The following ARHGAP40 variants were observed in gnomAD, a reference collection of about 807,000 sequenced individuals.
ARHGAP40 encodes the protein Rho GTPase activating protein 40.
ARHGAP40 carries 43 observed loss-of-function variants against 73.5 expected under a neutral mutation model. That is an observed-to-expected ratio of 0.58 (90% confidence interval 0.46 to 0.75). The LOEUF (loss-of-function observed/expected upper bound fraction) is 0.75, where lower values mean the gene tolerates loss of function less well. ARHGAP40 is among the 30% of genes least tolerant of loss of function. ARHGAP40 has a pLI of 0.00. For missense variants in ARHGAP40, 734 were observed against 861.8 expected (o/e 0.85, Z 1.86); for synonymous variants, 300 against 352.8 (o/e 0.85, Z 1.68).
exon 15 of ARHGAP40, chr20:38,649,794 T>C (rs1305464990): frequency 3.1e-6 from 4 of 1,305,050 alleles, no homozygotes; most frequent in Non-Finnish European, 4.0e-6. Flanking sequence ...ACCTCTTAGA[T>C]CTGTACCGTG....
At chr20:38,605,348 C>G (rs1180281916) in intron 1 of ARHGAP40, among the ~76,000 whole-genome samples, 1 of 152,230 alleles carries the variant, frequency 6.6e-6, no homozygotes, top group African/African-American at 2.4e-5. Context: ...AGACATAACA[C>G]TGGTCACTAC....
At chr20:38,614,307 T>TA (rs2088821597) in intron 1 of ARHGAP40, among the ~76,000 whole-genome samples, 1 of 152,234 alleles carries the variant, frequency 6.6e-6, no homozygotes, top group Non-Finnish European at 1.5e-5. Flanking sequence ...CACGATTCCC[T>TA]GGCGTACCCA....
At chr20:38,638,907 G>A in intron 8 of ARHGAP40, 69 bp downstream of exon 8, 1 of 1,252,376 alleles carries the variant, frequency 8.0e-7, no homozygotes, top group South Asian at 1.3e-5. Context: ...GTTAAGCCGG[G>A]AGGGAAACCA....
chr20:38,640,091 C>G (rs377745902), intron 9 of ARHGAP40, among the ~76,000 whole-genome samples: 5,584 of 92,510 alleles, frequency 0.06, 98 homozygotes, highest in African/African-American at 0.079. Context: ...TGTTGTTGTT[C>G]TTCTTCTTCT....
chr20:38,641,262 T>A (rs1201156074), intron 9 of ARHGAP40, among the ~76,000 whole-genome samples: 2 of 152,114 alleles, frequency 1.3e-5, no homozygotes, highest in East Asian at 3.9e-4. Flanking sequence ...CTATAACTAC[T>A]ACCTCCTCCT....
intron 1 of ARHGAP40, among the ~76,000 whole-genome samples, chr20:38,605,570 G>T (rs542838114): frequency 1.3e-5 from 2 of 152,286 alleles, no homozygotes; most frequent in African/African-American, 4.8e-5. Context: ...CCTTATCCTT[G>T]CTCCCTGTAG....
chr20:38,648,869 G>A (rs2089070969), intron 14 of ARHGAP40, among the ~76,000 whole-genome samples, 171 bp downstream of exon 14: 1 of 152,202 alleles, frequency 6.6e-6, no homozygotes, highest in Non-Finnish European at 1.5e-5. Context: ...AAGGTTAAAG[G>A]TTAGCCTGTG....
At chr20:38,620,370 C>T (rs896203638) in intron 1 of ARHGAP40, among the ~76,000 whole-genome samples, 3 of 152,296 alleles carry the variant, frequency 2.0e-5, no homozygotes, top group Non-Finnish European at 1.5e-5. Context: ...TTTAGCACTG[C>T]GGGTGTTTCA....
intron 1 of ARHGAP40, among the ~76,000 whole-genome samples, chr20:38,612,324 A>G (rs943149339): frequency 1.3e-4 from 20 of 152,238 alleles, no homozygotes; most frequent in Admixed American, 9.8e-4. Context: ...AAACATATTT[A>G]GGCCTTTTCC....
At chr20:38,631,452 A>C (rs1365730353) in intron 5 of ARHGAP40, among the ~76,000 whole-genome samples, 1 of 152,172 alleles carries the variant, frequency 6.6e-6, no homozygotes, top group Non-Finnish European at 1.5e-5. Context: ...GGCACGTCTC[A>C]TGTGGCAGCA....
intron 8 of ARHGAP40, 127 bp downstream of exon 8, chr20:38,638,965 G>A: frequency 3.2e-6 from 3 of 946,406 alleles, no homozygotes; most frequent in Non-Finnish European, 4.4e-6. Flanking sequence ...GTGGGTCGAG[G>A]GTTTGAGAGG....
At chr20:38,623,183 C>T (rs75711876) in intron 1 of ARHGAP40, among the ~76,000 whole-genome samples, 176 bp from the exon 2 acceptor site, 1 of 152,144 alleles carries the variant, frequency 6.6e-6, no homozygotes, top group African/African-American at 2.4e-5. Flanking sequence ...CCAAGGATCC[C>T]GCAGGGGTGA....
At position 38,614,997 on chromosome 20, in the gene ARHGAP40, G is replaced by C. The variant is rs532183679; in HGVS notation, c.138-8362G>C. The stretch of plus-strand genomic sequence containing the variant: ...GTGGTTGAGCGCTTGTGTGAGGAAA[G>C]TCCCGCTGGGGTTGATCTCCATCAA... On this transcript the variant is annotated intron_variant, in intron 1 of 14. Transcript: ENST00000373345. The C allele has an allele frequency of 4.0e-5, 48 of 1,200,344 alleles. No individual in the cohort carries two copies. The African/African-American group carries it at 5.8e-4, about 15-fold the overall frequency. The allele number at this position is 1,200,344 out of a possible 1,614,324, so 74.4% of individuals were successfully genotyped here. A position where few individuals can be genotyped will look rare whatever the true frequency, so the allele number is the denominator to read the frequency against.
intron 2 of ARHGAP40, among the ~76,000 whole-genome samples, chr20:38,625,879 C>A (rs2088896348): frequency 6.6e-6 from 1 of 151,958 alleles, no homozygotes; most frequent in Admixed American, 6.5e-5. Context: ...AAAATGTAGC[C>A]CATGATTAAG....
At chr20:38,644,341 C>G (rs2145614993) in intron 11 of ARHGAP40, among the ~76,000 whole-genome samples, 1 of 152,164 alleles carries the variant, frequency 6.6e-6, no homozygotes, top group South Asian at 2.1e-4. Flanking sequence ...CAAGTGACAG[C>G]AAGGGGAGGA....
chr20:38,627,683 T>TTG (rs754473034), intron 3 of ARHGAP40, among the ~76,000 whole-genome samples: 1 of 104,960 alleles, frequency 9.5e-6, no homozygotes, highest in East Asian at 2.4e-4. Flanking sequence ...GGTGTGTGTG[T>TTG]TGTGTGTGTG....
chr20:38,642,281 G>T (rs1255205453), intron 10 of ARHGAP40, among the ~76,000 whole-genome samples: 2 of 152,176 alleles, frequency 1.3e-5, no homozygotes, highest in African/African-American at 4.8e-5. Flanking sequence ...TTGGGAAACA[G>T]ACCCTTAGCA....
chr20:38,604,686 G>A (rs2088760751), intron 1 of ARHGAP40, among the ~76,000 whole-genome samples: 2 of 151,950 alleles, frequency 1.3e-5, no homozygotes, highest in Admixed American at 6.6e-5. Flanking sequence ...GAGCCAATGC[G>A]CCTGGCCCAG....
In ARHGAP40 at chr20:38,612,769, C is replaced by T. The variant is rs188796174; in HGVS notation, c.138-10590C>T. Among the ~76,000 whole-genome samples, 3 of 152,226 alleles carry T rather than the reference C, an allele frequency of 2.0e-5. No individual in the cohort carries two copies. In the East Asian group the frequency reaches 5.8e-4, roughly 29 times the overall value. On this transcript the variant is annotated intron_variant, in intron 1 of 14. Coordinates refer to ENST00000373345, the Ensembl canonical transcript of ARHGAP40. ...AAGGAAGGAGTTAAAAATTCAGCTC[C>T]TCATTCATACTAAATACCATATTTC... is the stretch of plus-strand genomic sequence containing the variant.
Sources: gnomAD v4.1 joint callset for allele counts (sites outside exome capture counted in the v4.1 genomes callset) on GRCh38, gnomAD v4.1.1 for gene constraint, MANE v1.5 for transcripts, NCBI Gene and HGNC (gene_info 2026-07-23, HGNC 2026-07-21) for gene names.